MYRFL: variants seen among roughly 807,000 people sequenced by gnomAD.
MYRFL encodes the protein myelin regulatory factor-like protein.
MYRFL carries 88 observed loss-of-function variants against 109.4 expected under a neutral mutation model. The observed-to-expected ratio is 0.80, with a 90% CI of 0.68 to 0.96. MYRFL has a LOEUF of 0.96. Among genes scored for constraint, MYRFL ranks in the 40% least tolerant of loss-of-function variants. MYRFL has a pLI of 0.00. For synonymous variants in MYRFL, 324 were observed against 320.9 expected (o/e 1.01, Z -0.10); for missense variants, 957 against 954.9 (o/e 1.00, Z -0.03).
At chr12:69,927,649 A>G (rs1345073485) in intron 14 of MYRFL, 36 bp from the exon 15 acceptor site, 9 of 1,485,562 alleles carry the variant, frequency 6.1e-6, no homozygotes, top group Non-Finnish European at 7.2e-6. Context: ...CTGGAGAGGT[A>G]TTTGAATAGT....
In MYRFL at chr12:69,891,167, G is replaced by A. The variant is rs1183374097; in HGVS notation, c.903+1G>A. 1.5e-5 allele frequency: 23 copies of A among 1,509,050 alleles called. No individual in the cohort carries two copies. In the East Asian group the frequency reaches 3.0e-4, roughly 19 times the overall value. 93.5% of individuals were successfully genotyped at this position (1,509,050 alleles called of 1,614,324 possible). A position where few individuals can be genotyped will look rare whatever the true frequency, so the allele number is the denominator to read the frequency against. On this transcript the variant is annotated splice_donor_variant, in intron 7 of 24. Transcript: ENST00000552032. LOFTEE classifies it high-confidence loss of function. Reference sequence around the variant, plus strand: ...TTACTTGAAAGTTTTTGGCACTAAGGTATGTCTTTTATTTAGTTCAGTTTA... The same window carrying A: ...TTACTTGAAAGTTTTTGGCACTAAGATATGTCTTTTATTTAGTTCAGTTTA...
At position 69,958,827 on chromosome 12, in the gene MYRFL, G is replaced by T; in HGVS notation, c.*296G>T. The T allele has an allele frequency of 3.7e-6, 1 of 269,582 alleles. No individual in the cohort carries two copies. The highest frequency in any genetic ancestry group is 9.4e-5 in the East Asian group (1 of 10,668). 16.7% of individuals were successfully genotyped at this position (269,582 alleles called of 1,614,324 possible). On this transcript the variant is annotated 3_prime_UTR_variant, in exon 25 of 25. Transcript: ENST00000552032. The stretch of plus-strand genomic sequence containing the variant: ...TACTATTATTTCTGGTATTAAGGAA[G>T]TTGTGAGCTCAAAATAAGGAGATCT...
In MYRFL at chr12:69,825,501, A is replaced by G. The variant is rs1427892112; in HGVS notation, c.-17A>G. The G allele has an allele frequency of 2.9e-6, 2 of 701,688 alleles. No homozygotes were observed. The highest frequency in any genetic ancestry group is 5.2e-6 in the Non-Finnish European group (2 of 384,164). The allele number at this position is 701,688 out of a possible 1,614,324, so 43.5% of individuals were successfully genotyped here. A position where few individuals can be genotyped will look rare whatever the true frequency, so the allele number is the denominator to read the frequency against. On this transcript the variant is annotated 5_prime_UTR_variant, in exon 1 of 25. Transcript: ENST00000552032. ...AACCGTTGTTTTATGAGGAAATAGT[A>G]CTAGGATCACAGTACCATGGATGTG...
chr12:69,862,756 G>C (rs375755293), intron 2 of MYRFL, among the ~76,000 whole-genome samples: 1 of 152,104 alleles, frequency 6.6e-6, no homozygotes, highest in South Asian at 2.1e-4. Flanking sequence ...TCTCCTGCCT[G>C]ATTGCCCTGG....
At chr12:69,879,165 G>A (rs1236295695) in intron 3 of MYRFL, 30 bp from the exon 4 acceptor site, 7 of 686,274 alleles carry the variant, frequency 1.0e-5, no homozygotes, top group Non-Finnish European at 1.9e-5. Flanking sequence ...CCGTGAGAAA[G>A]GGGCACTTCC....
chr12:69,833,738 G>C (rs533254991), intron 1 of MYRFL, among the ~76,000 whole-genome samples: 30 of 151,744 alleles, frequency 2.0e-4, no homozygotes, highest in Admixed American at 3.9e-4. Context: ...CCTATCCACT[G>C]TGCACATTGT....
intron 13 of MYRFL, among the ~76,000 whole-genome samples, chr12:69,922,783 T>A (rs1166190997): frequency 6.6e-6 from 1 of 152,196 alleles, no homozygotes; most frequent in African/African-American, 2.4e-5. Flanking sequence ...TGTTTTTACA[T>A]GTGTATGTAT....
chr12:69,856,912 T>C (rs1442832622), intron 2 of MYRFL, among the ~76,000 whole-genome samples: 1 of 151,974 alleles, frequency 6.6e-6, no homozygotes, highest in Non-Finnish European at 1.5e-5. Context: ...GTCCAATTTA[T>C]TGAATTTTTC....
In MYRFL at chr12:69,917,140, G is replaced by A. The variant is rs974093080; in HGVS notation, c.1602+6210G>A. On this transcript the variant is annotated intron_variant, in intron 13 of 24. Coordinates refer to ENST00000552032, the MANE Select transcript of MYRFL (RefSeq NM_182530.3). ...ATCATTTGGGCCTTAGAGCAGTGCCGAGGCCTTCCTTAACCACCCCATATA... is the reference window on the plus strand; with the variant it reads ...ATCATTTGGGCCTTAGAGCAGTGCCAAGGCCTTCCTTAACCACCCCATATA... 3.9e-5 allele frequency among the ~76,000 whole-genome samples: 6 copies of A among 152,196 alleles called. No homozygotes were observed. In the East Asian group the frequency reaches 7.7e-4, roughly 20 times the overall value.
intron 16 of MYRFL, among the ~76,000 whole-genome samples, chr12:69,934,180 G>A (rs772954445): frequency 2.0e-5 from 3 of 152,202 alleles, no homozygotes; most frequent in Non-Finnish European, 2.9e-5. Context: ...CAGCCTTTTC[G>A]CTGGACTCAC....
intron 2 of MYRFL, among the ~76,000 whole-genome samples, chr12:69,875,043 C>T (rs920333974): frequency 6.6e-6 from 1 of 150,990 alleles, no homozygotes; most frequent in Non-Finnish European, 1.5e-5. Flanking sequence ...ACATCTACCA[C>T]ATCAGAGTGA....
intron 2 of MYRFL, among the ~76,000 whole-genome samples, chr12:69,875,372 A>AT (rs910261035): frequency 6.6e-6 from 1 of 150,864 alleles, no homozygotes; most frequent in Admixed American, 6.6e-5. Flanking sequence ...GATTTTATTT[A>AT]TTTTTTTTCA....
chr12:69,862,391 T>G (rs1187826762), intron 2 of MYRFL, among the ~76,000 whole-genome samples: 1 of 152,222 alleles, frequency 6.6e-6, no homozygotes, highest in Non-Finnish European at 1.5e-5. Context: ...GCATGAAATG[T>G]TCTTCCATTT....
In MYRFL at chr12:69,925,305, T is replaced by G. The variant is rs981855780; in HGVS notation, c.1603-1266T>G. Reference sequence around the variant, plus strand: ...GAGTTTCAGAGAGTTCTCCAGTGTATCATGAGATACATCTGTCTTTGAACT... The same window carrying G: ...GAGTTTCAGAGAGTTCTCCAGTGTAGCATGAGATACATCTGTCTTTGAACT... On this transcript the variant is annotated intron_variant, in intron 13 of 24. Transcript: ENST00000552032. Among the ~76,000 whole-genome samples the G allele has an allele frequency of 2.0e-5, 3 of 152,190 alleles. 1 individual carries two copies. Among genetic ancestry groups the G allele is most frequent in the African/African-American group, 7.2e-5 (3 of 41,442 alleles).
At chr12:69,937,333 C>T (rs1344124066) in intron 19 of MYRFL, among the ~76,000 whole-genome samples, 1 of 151,878 alleles carries the variant, frequency 6.6e-6, no homozygotes, top group Non-Finnish European at 1.5e-5. Context: ...AATGATGATG[C>T]TAATAAGGAT....
chr12:69,952,268 A>G (rs76314993), intron 20 of MYRFL, 93 bp downstream of exon 20: 139,888 of 1,164,698 alleles, frequency 0.12, 9,962 homozygotes, highest in Non-Finnish European at 0.14. Flanking sequence ...AGGAGCAGGG[A>G]CAAAGGCTGC....
At chr12:69,830,263 A>G (rs1882548293) in intron 1 of MYRFL, among the ~76,000 whole-genome samples, 1 of 151,392 alleles carries the variant, frequency 6.6e-6, no homozygotes, top group Non-Finnish European at 1.5e-5. Context: ...CCACAGATAT[A>G]CATAGATATA....
At chr12:69,833,650 C>A (rs192315706) in intron 1 of MYRFL, among the ~76,000 whole-genome samples, 22 of 152,190 alleles carry the variant, frequency 1.4e-4, no homozygotes, top group African/African-American at 4.6e-4. Context: ...ATGTACTTTG[C>A]CCAAGGTAGC....
At chr12:69,829,290 T>C (rs1321284608) in intron 1 of MYRFL, among the ~76,000 whole-genome samples, 1 of 152,040 alleles carries the variant, frequency 6.6e-6, no homozygotes, top group East Asian at 1.9e-4. Flanking sequence ...ATAGCTATTA[T>C]CAAAAGAGGG....
Sources: allele counts gnomAD v4.1 joint callset (sites outside exome capture counted in the v4.1 genomes callset), GRCh38; gene constraint gnomAD v4.1.1; transcripts MANE v1.5; gene names NCBI Gene and HGNC (gene_info 2026-07-23, HGNC 2026-07-21).